The following SHISA9 variants were observed in gnomAD, a reference collection of about 807,000 sequenced individuals.
SHISA9 encodes protein shisa-9.
SHISA9 carries 13 observed loss-of-function variants against 38.0 expected under a neutral mutation model. The observed-to-expected ratio is 0.34, with a 90% confidence interval of 0.22 to 0.54. The LOEUF (loss-of-function observed/expected upper bound fraction) is 0.54. Ranked by LOEUF, SHISA9 falls within the 20% of genes least tolerant of loss-of-function variation. The pLI is 0.91. For missense variants in SHISA9, 538 were observed against 575.8 expected, an observed-to-expected ratio of 0.93 and a Z score of 0.67; for synonymous variants, 275 against 242.0, an observed-to-expected ratio of 1.14 and a Z score of -1.27.
chr16:13,390,415 C>G, the SHISA9 span, among the ~76,000 whole-genome samples: 1 of 152,150 alleles, frequency 6.6e-6, no homozygotes, highest in African/African-American at 2.4e-5. Context: ...TTCTGTCTCA[C>G]TGGTTCTCTG....
chr16:13,434,337 A>G, the SHISA9 span, among the ~76,000 whole-genome samples: 3 of 151,024 alleles, frequency 2.0e-5, no homozygotes, highest in African/African-American at 7.3e-5. Context: ...TTGCAGATGC[A>G]CCCAGGAACA....
chr16:13,182,174 G>A (rs1001284446), intron 2 of SHISA9, among the ~76,000 whole-genome samples: 3 of 152,160 alleles, frequency 2.0e-5, no homozygotes, highest in Non-Finnish European at 2.9e-5. Flanking sequence ...ATTTATCTTT[G>A]TGGGTTCATT....
chr16:13,078,201 C>T (rs956635337), intron 2 of SHISA9, among the ~76,000 whole-genome samples: 1 of 152,164 alleles, frequency 6.6e-6, no homozygotes, highest in Admixed American at 6.5e-5. Flanking sequence ...CCAGGACCCC[C>T]CAAGGATACC....
At chr16:13,177,915 G>A (rs1283713329) in intron 2 of SHISA9, among the ~76,000 whole-genome samples, 1 of 152,126 alleles carries the variant, frequency 6.6e-6, no homozygotes, top group Non-Finnish European at 1.5e-5. Flanking sequence ...TGATCCACCT[G>A]CCTTGGCCTC....
At chr16:12,957,740 T>C (rs2071855330) in intron 2 of SHISA9, among the ~76,000 whole-genome samples, 1 of 152,170 alleles carries the variant, frequency 6.6e-6, no homozygotes, top group Non-Finnish European at 1.5e-5. Flanking sequence ...GCGTATTTTT[T>C]TGTTTTCTTC....
In SHISA9 at chr16:12,911,255, C is replaced by A. The variant is rs138104509; in HGVS notation, c.564-5433C>A. 9,714 of 985,356 alleles carry A rather than the reference C, an allele frequency of 9.9e-3. 62 individuals are homozygous for A. Among genetic ancestry groups the A allele is most frequent in the Non-Finnish European group, 0.011 (9,080 of 829,900 alleles). 61.0% of individuals were successfully genotyped at this position (985,356 alleles called of 1,614,324 possible). A position where few individuals can be genotyped will look rare whatever the true frequency, so the allele number is the denominator to read the frequency against. ...AAGATCCCCAGGTGATCTGGATGCA[C>A]CGTAACATCTGAGAAGCACTCAAAC... is the stretch of plus-strand genomic sequence containing the variant. On this transcript the variant is annotated intron_variant, in intron 1 of 4. Transcript: ENST00000558583.
At chr16:12,902,934 G>T in intron 1 of SHISA9, 1 of 329,052 alleles carries the variant, frequency 3.0e-6, no homozygotes, top group Non-Finnish European at 5.5e-6. Context: ...GAGACACGTA[G>T]CCTGGGAGCC....
At chr16:13,297,739 C>T in the SHISA9 span, among the ~76,000 whole-genome samples, 1 of 152,042 alleles carries the variant, frequency 6.6e-6, no homozygotes, top group Non-Finnish European at 1.5e-5. Context: ...ACATAGTTAT[C>T]AGTGCGTTCT....
At chr16:13,218,320 C>T (rs995505619) in intron 4 of SHISA9, among the ~76,000 whole-genome samples, 3 of 152,044 alleles carry the variant, frequency 2.0e-5, no homozygotes, top group African/African-American at 7.2e-5. Context: ...TAAAATGCAC[C>T]TCCTGGGTGA....
chr16:13,335,704 T>C, the SHISA9 span, among the ~76,000 whole-genome samples: 8 of 152,102 alleles, frequency 5.3e-5, no homozygotes, highest in Non-Finnish European at 8.8e-5. Flanking sequence ...TGTTATCCCA[T>C]GAGCCGTAGA....
intron 2 of SHISA9, among the ~76,000 whole-genome samples, chr16:13,016,981 G>A (rs1039594815): frequency 1.3e-5 from 2 of 151,712 alleles, no homozygotes; most frequent in African/African-American, 2.4e-5. Flanking sequence ...CTCTGATCTC[G>A]GGTACCTTTC....
At chr16:13,149,107 G>A (rs754186270) in intron 2 of SHISA9, among the ~76,000 whole-genome samples, 4 of 152,148 alleles carry the variant, frequency 2.6e-5, no homozygotes, top group Non-Finnish European at 5.9e-5. Flanking sequence ...GGGAAGTGGT[G>A]CCCTCAGCCA....
the SHISA9 span, among the ~76,000 whole-genome samples, chr16:13,521,793 T>G: frequency 6.6e-6 from 1 of 152,184 alleles, no homozygotes; most frequent in East Asian, 1.9e-4. Flanking sequence ...TGGCAAATTT[T>G]CCCCTACAAC....
chr16:13,019,768 C>CTTTCT (rs2072802353), intron 2 of SHISA9, among the ~76,000 whole-genome samples: 1 of 31,636 alleles, frequency 3.2e-5, no homozygotes, highest in African/African-American at 1.6e-4. Context: ...TCTTTCTTTT[C>CTTTCT]TTTCTTTCTT....
chr16:13,354,987 C>G, the SHISA9 span, among the ~76,000 whole-genome samples: 46 of 147,032 alleles, frequency 3.1e-4, no homozygotes, highest in East Asian at 2.2e-3. Context: ...CAGGGTCAGT[C>G]CAAGTGAAAG....
At chr16:13,501,733 T>C in the SHISA9 span, among the ~76,000 whole-genome samples, 1 of 152,108 alleles carries the variant, frequency 6.6e-6, no homozygotes, top group Non-Finnish European at 1.5e-5. Flanking sequence ...GCGGGCACGG[T>C]GGCTCAAGCC....
chr16:13,053,198 G>C (rs999240945), intron 2 of SHISA9, among the ~76,000 whole-genome samples: 1 of 151,514 alleles, frequency 6.6e-6, no homozygotes, highest in Non-Finnish European at 1.5e-5. Context: ...TCTGACCTCC[G>C]GTGATCCGCC....
the SHISA9 span, among the ~76,000 whole-genome samples, chr16:13,348,603 CTT>C: frequency 6.6e-6 from 1 of 151,692 alleles, no homozygotes; most frequent in African/African-American, 2.4e-5. Flanking sequence ...CACAGTCCCA[CTT>C]AACCAACCAC....
intron 3 of SHISA9, among the ~76,000 whole-genome samples, chr16:13,212,116 C>T (rs893884003): frequency 2.0e-5 from 3 of 152,154 alleles, no homozygotes; most frequent in Admixed American, 6.5e-5. Context: ...TAAATGGGGC[C>T]GGATCTGTGC....
Sources: allele counts gnomAD v4.1 joint callset (sites outside exome capture counted in the v4.1 genomes callset), GRCh38; gene constraint gnomAD v4.1.1; transcripts MANE v1.5; gene names NCBI Gene and HGNC (gene_info 2026-07-23, HGNC 2026-07-21).